SNX22: variants seen among roughly 807,000 people sequenced by gnomAD.
SNX22 encodes the protein sorting nexin-22.
In SNX22, 23 loss-of-function variants were observed where a neutral mutation model predicts 24.7. That is an observed-to-expected ratio of 0.93 (90% CI 0.67 to 1.32). SNX22 has a LOEUF of 1.32. SNX22 is among the 40% of genes most tolerant of loss of function. The pLI is 0.00. For missense variants in SNX22, 261 were observed against 249.9 expected (o/e 1.04, Z -0.30); for synonymous variants, 99 against 104.0 (o/e 0.95, Z 0.29).
intron 4 of SNX22, 97 bp from the exon 5 acceptor site, chr15:64,153,555 C>A: frequency 1.9e-6 from 3 of 1,547,618 alleles, no homozygotes; most frequent in South Asian, 1.1e-5. Context: ...AAGCAGTGGT[C>A]CCCTGGGAGG....
chr15:64,153,389 G>A (rs537342048), intron 4 of SNX22, 50 bp downstream of exon 4: 2 of 1,610,518 alleles, frequency 1.2e-6, no homozygotes, highest in South Asian at 1.1e-5. Flanking sequence ...GTGAGCAGGT[G>A]AGGAAAGGTG....
chr15:64,153,540 A>C, intron 4 of SNX22, 112 bp from the exon 5 acceptor site: 1 of 1,532,020 alleles, frequency 6.5e-7, no homozygotes, highest in East Asian at 2.3e-5. Context: ...GCTTGTTACA[A>C]ATAGAAGCAG....
Position 64,153,959 on chromosome 15 carries a change from C to G in SNX22, c.417C>G (p.Val139=), listed in dbSNP as rs138774724. ...GCTCCCAGCAGCACCAGCGGCCTGT[C>G]CTGAGCTTCCATGTGGATCCCTATG... The part of the protein sequence containing the change: ...DSSSQQHQRP[V]LSFHVDPYVC... The change falls in exon 6 of 7, where the codon GTC becomes GTG. Residue 139 remains valine (V), a synonymous_variant. Coordinates refer to ENST00000325881, the MANE Select transcript of SNX22 (RefSeq NM_024798.3). 95 of 1,613,752 alleles carry G rather than the reference C, an allele frequency of 5.9e-5. No individual in the cohort carries two copies. The highest frequency in any genetic ancestry group is 1.7e-4 in the Middle Eastern group (1 of 5,802).
rs374719911 is a variant in SNX22, at chr15:64,154,403, G to T, written c.477G>T (p.Val159=). Residue 159 remains valine (V), a synonymous_variant, in exon 7 of 7, where the codon GTG becomes GTT. Coordinates refer to ENST00000325881, the MANE Select transcript of SNX22 (RefSeq NM_024798.3). ...CNPSPESLPN[V]VVNGVLQGLY... The stretch of plus-strand genomic sequence containing the variant: ...ATCCCACAGAGTCGCTGCCCAACGT[G>T]GTGGTGAATGGTGTGCTCCAGGGCC... 17 of 1,614,026 alleles carry T rather than the reference G, an allele frequency of 1.1e-5. No homozygotes were observed. In the African/African-American group the frequency reaches 2.1e-4, roughly 20 times the overall value.
chr15:64,152,317 G>A lies in SNX22; in HGVS notation c.150G>A (p.Leu50=). ...GGCGCTACAGCGAGTTCCACGCGCTGCACAAGCGGGTGAGGCGGCGCCGAC... is the reference window on the plus strand; with the variant it reads ...GGCGCTACAGCGAGTTCCACGCGCTACACAAGCGGGTGAGGCGGCGCCGAC... ...VPRRYSEFHA[L]HKRIKKLYKV... The change falls in exon 2 of 7, where the codon CTG becomes CTA. Residue 50 remains leucine, a synonymous_variant. Coordinates refer to ENST00000325881, the MANE Select transcript of SNX22 (RefSeq NM_024798.3). The A allele has an allele frequency of 6.6e-7, 1 of 1,514,530 alleles. No individual in the cohort carries two copies. Among genetic ancestry groups the A allele is most frequent in the South Asian group, 1.2e-5 (1 of 81,484 alleles). 93.8% of individuals were successfully genotyped at this position (1,514,530 alleles called of 1,614,324 possible).
rs557842653 is a variant in SNX22, at chr15:64,156,431, G to A, written c.*1923G>A. The A allele has an allele frequency of 1.7e-4, 104 of 616,916 alleles. No individual in the cohort carries two copies. Among genetic ancestry groups the A allele is most frequent in the South Asian group, 1.5e-3 (81 of 52,662 alleles). The allele number at this position is 616,916 out of a possible 1,614,324, so 38.2% of individuals were successfully genotyped here. A position where few individuals can be genotyped will look rare whatever the true frequency, so the allele number is the denominator to read the frequency against. On this transcript the variant is annotated 3_prime_UTR_variant, in exon 7 of 7. Transcript: ENST00000325881. This position sits in a 1 kb window ranked among gnomAD's most constrained non-coding sequence, Gnocchi z 6.4. Reference sequence around the variant, plus strand: ...GCATGTGGCTTCTCAGGGACATTGCGTTCAGCTGCACTCTGTATACCTCAG... The same window carrying A: ...GCATGTGGCTTCTCAGGGACATTGCATTCAGCTGCACTCTGTATACCTCAG...
chr15:64,152,833 C>T, intron 3 of SNX22, 91 bp downstream of exon 3: 1 of 1,137,646 alleles, frequency 8.8e-7, no homozygotes, highest in Non-Finnish European at 1.3e-6. Context: ...AGGGAGGGAA[C>T]CCACAACTTG....
At position 64,151,816 on chromosome 15, in the gene SNX22, AG is replaced by A; in HGVS notation, c.45del (p.Arg17GlyfsTer77). The A allele has an allele frequency of 6.7e-7, 1 of 1,489,472 alleles. No individual in the cohort carries two copies. 92.3% of individuals were successfully genotyped at this position (1,489,472 alleles called of 1,614,324 possible). A position where few individuals can be genotyped will look rare whatever the true frequency, so the allele number is the denominator to read the frequency against. On this transcript the variant is annotated frameshift_variant, in exon 1 of 7. Transcript: ENST00000325881. LOFTEE classifies it high-confidence loss of function. ...ATCCCGTCGGTGGGGCCCGAGGCCG[AG>A]GGGCCCAGGCAGAGCCCGGAGAAAA... Reference protein sequence around the residue: ...VHIPSVGPEAEGPRQSPEKSH... With the variant: ...VHIPSVGPEAXGPRQSPEKSH...
Position 64,153,643 on chromosome 15 carries a change from T to C in SNX22, c.360-9T>C, listed in dbSNP as rs1449907804. ...CCCAGGCAGCTTACAGTGTTTCTCT[T>C]CTCTTCAGCACCCTGAGGGAGTTCC... On this transcript the variant is annotated splice_polypyrimidine_tract_variant and intron_variant, in intron 4 of 6. Coordinates refer to ENST00000325881, the MANE Select transcript of SNX22 (RefSeq NM_024798.3). 4 of 1,614,034 alleles carry C rather than the reference T, an allele frequency of 2.5e-6. No homozygotes were observed. Among genetic ancestry groups the C allele is most frequent in the Non-Finnish European group, 3.4e-6 (4 of 1,179,984 alleles).
Position 64,155,500 on chromosome 15 carries a change from C to T in SNX22, c.*992C>T, listed in dbSNP as rs1394905912. On this transcript the variant is annotated 3_prime_UTR_variant, in exon 7 of 7. Transcript: ENST00000325881. Reference sequence around the variant, plus strand: ...ACCAGCCAGCGCAACATAGTGAGACCTGTCTCTACCAAAAAAAAAAAAAAA... The same window carrying T: ...ACCAGCCAGCGCAACATAGTGAGACTTGTCTCTACCAAAAAAAAAAAAAAA... 6.9e-6 allele frequency: 1 copy of T among 145,510 alleles called. No homozygotes were observed. Among genetic ancestry groups the T allele is most frequent in the Non-Finnish European group, 1.4e-5 (1 of 69,966 alleles). The allele number at this position is 145,510 out of a possible 1,614,324, so 9.0% of individuals were successfully genotyped here.
In SNX22 at chr15:64,154,507, G is replaced by C. The variant is rs1445294133; in HGVS notation, c.581G>C (p.Ter194SerextTer10). 2.5e-6 allele frequency: 4 copies of C among 1,614,010 alleles called. No homozygotes were observed. The highest frequency in any genetic ancestry group is 2.2e-5 in the East Asian group (1 of 44,898). ...CCTGCTCCTCTGCCACCGATGCCCT[G>C]ATCAGTCCAGAGGCCTTTGGCTGCC... ...CHPAPLPPMP[*>S] Residue 194 changes from the stop codon to serine, a stop_lost, in exon 7 of 7, where the codon TGA becomes TCA. Transcript: ENST00000325881.
At position 64,153,679 on chromosome 15, in the gene SNX22, C is replaced by G. The variant is rs1423699920; in HGVS notation, c.387C>G (p.Asp129Glu). ...WGTLREFLPGDSSSQQHQRPV... is the reference protein window; with the variant it reads ...WGTLREFLPGESSSQQHQRPV... ...CCCTGAGGGAGTTCCTGCCTGGCGACAGCAGGCAAGTCAAAGCCCTAGCCC... is the reference window on the plus strand; with the variant it reads ...CCCTGAGGGAGTTCCTGCCTGGCGAGAGCAGGCAAGTCAAAGCCCTAGCCC... Residue 129 changes from aspartate (D) to glutamate (E), a missense_variant, in exon 5 of 7, where the codon GAC (aspartate) becomes GAG (glutamate). By Grantham distance (45) the Asp-to-Glu change is conservative (BLOSUM62 2). Transcript: ENST00000325881. 1 of 1,614,072 alleles carries G rather than the reference C, an allele frequency of 6.2e-7. No individual in the cohort carries two copies. The highest frequency in any genetic ancestry group is 1.3e-5 in the African/African-American group (1 of 75,032).
rs1160570319 is a variant in SNX22, at chr15:64,152,479, T to G, written c.159+153T>G. On this transcript the variant is annotated intron_variant, in intron 2 of 6. Coordinates refer to ENST00000325881, the MANE Select transcript of SNX22 (RefSeq NM_024798.3). ...CGGTCAGCCCCCGGGCCTCTGTGGG[T>G]GGGTTGGGGCCTTCCTCGCCCTCGG... 4 of 1,198,976 alleles carry G rather than the reference T, an allele frequency of 3.3e-6. No individual in the cohort carries two copies. The East Asian group carries it at 1.0e-4, about 31-fold the overall frequency. 74.3% of individuals were successfully genotyped at this position (1,198,976 alleles called of 1,614,324 possible). A position where few individuals can be genotyped will look rare whatever the true frequency, so the allele number is the denominator to read the frequency against.
At position 64,152,281 on chromosome 15, in the gene SNX22, C is replaced by A; in HGVS notation, c.114C>A (p.His38Gln). Residue 38 changes from histidine (H) to glutamine (Q), a missense_variant, in exon 2 of 7, where the codon CAC becomes CAA. By Grantham distance (24) the His-to-Gln change is conservative. Coordinates refer to ENST00000325881, the MANE Select transcript of SNX22 (RefSeq NM_024798.3). ...RVEVLCSGRRHTVPRRYSEFH... is the reference protein window; with the variant it reads ...RVEVLCSGRRQTVPRRYSEFH... Reference sequence around the variant, plus strand: ...AGGTGCTGTGCAGCGGGCGCAGACACACGGTGCCAAGGCGCTACAGCGAGT... The same window carrying A: ...AGGTGCTGTGCAGCGGGCGCAGACAAACGGTGCCAAGGCGCTACAGCGAGT... The A allele has an allele frequency of 6.7e-7, 1 of 1,492,444 alleles. No homozygotes were observed. The highest frequency in any genetic ancestry group is 1.3e-5 in the South Asian group (1 of 78,884). 92.5% of individuals were successfully genotyped at this position (1,492,444 alleles called of 1,614,324 possible).
Position 64,157,038 on chromosome 15 carries a change from T to G in SNX22, c.*2530T>G. The G allele has an allele frequency of 1.0e-6, 1 of 993,338 alleles. No individual in the cohort carries two copies. The highest frequency in any genetic ancestry group is 1.5e-6 in the Non-Finnish European group (1 of 679,864). The allele number at this position is 993,338 out of a possible 1,614,324, so 61.5% of individuals were successfully genotyped here. On this transcript the variant is annotated 3_prime_UTR_variant, in exon 7 of 7. Coordinates refer to ENST00000325881, the MANE Select transcript of SNX22 (RefSeq NM_024798.3). This position sits in a 1 kb window ranked among gnomAD's most constrained non-coding sequence, Gnocchi z 4.2. The stretch of plus-strand genomic sequence containing the variant: ...TAGGCTGGAGTGGACTACAAGGACA[T>G]AAAAGCAGCGTCCTTCCTATCTTCT...
chr15:64,152,375 C>T (rs1466257959), intron 2 of SNX22, 49 bp downstream of exon 2: 2 of 1,480,106 alleles, frequency 1.4e-6, no homozygotes, highest in Non-Finnish European at 1.8e-6. Flanking sequence ...CTCTGTCCAG[C>T]CCCCGCCCAG....
rs759898773 is a variant in SNX22, at chr15:64,152,759, T to C, written c.264+17T>C. The C allele has an allele frequency of 4.3e-6, 7 of 1,611,166 alleles. No individual in the cohort carries two copies. The highest frequency in any genetic ancestry group is 4.5e-5 in the East Asian group (2 of 44,858). ...TACATCCAGGTATGCGAGAGCACAG[T>C]TGGTTGCCCCCCGGCCTTCTGTGCC... On this transcript the variant is annotated intron_variant, in intron 3 of 6. Coordinates refer to ENST00000325881, the MANE Select transcript of SNX22 (RefSeq NM_024798.3).
chr15:64,155,843 T>C lies in SNX22; in HGVS notation c.*1335T>C. ...ATTAAAAAAAAAAAAACCCACATTT[T>C]TTTTTATTGGTCAGTGTTGGTAGGA... On this transcript the variant is annotated 3_prime_UTR_variant, in exon 7 of 7. Coordinates refer to ENST00000325881, the MANE Select transcript of SNX22 (RefSeq NM_024798.3). The C allele has an allele frequency of 1.1e-6, 1 of 881,298 alleles. No individual in the cohort carries two copies. Among genetic ancestry groups the C allele is most frequent in the Non-Finnish European group, 1.7e-6 (1 of 578,784 alleles). 54.6% of individuals were successfully genotyped at this position (881,298 alleles called of 1,614,324 possible).
chr15:64,151,736 T>C lies in SNX22; in HGVS notation c.-40T>C. 1 of 1,519,274 alleles carries C rather than the reference T, an allele frequency of 6.6e-7. No individual in the cohort carries two copies. The allele number at this position is 1,519,274 out of a possible 1,614,324, so 94.1% of individuals were successfully genotyped here. Reference sequence around the variant, plus strand: ...CAGTCCGCTCCGGGAGAGTTAGGGCTCCGAGCCGAGCGCGCGGAGCAGCTG... The same window carrying C: ...CAGTCCGCTCCGGGAGAGTTAGGGCCCCGAGCCGAGCGCGCGGAGCAGCTG... On this transcript the variant is annotated 5_prime_UTR_variant, in exon 1 of 7. Transcript: ENST00000325881.
Sources: allele counts gnomAD v4.1 joint callset, GRCh38; gene constraint gnomAD v4.1.1; non-coding constraint Gnocchi (gnomAD v3.1); transcripts MANE v1.5; gene names NCBI Gene and HGNC (gene_info 2026-07-23, HGNC 2026-07-21).